SYT14: variants seen among roughly 807,000 people sequenced by gnomAD.
The protein encoded by SYT14 is synaptotagmin 14.
In SYT14, 32 loss-of-function variants were observed where a neutral mutation model predicts 74.2. The ratio of observed to expected loss-of-function variants is 0.43; its 90% CI spans 0.33 to 0.58. The LOEUF is 0.58. Ranked by LOEUF, SYT14 falls within the 20% of genes least tolerant of loss-of-function variation. The pLI is 0.05. For synonymous variants in SYT14, 298 were observed against 337.7 expected (o/e 0.88, Z 1.29); for missense variants, 791 against 981.8 (o/e 0.81, Z 2.60).
intron 2 of SYT14, among the ~76,000 whole-genome samples, chr1:209,954,904 C>G (rs2102689344): frequency 6.6e-6 from 1 of 152,216 alleles, no homozygotes; most frequent in South Asian, 2.1e-4. Flanking sequence ...TAGGGTTTCA[C>G]CATGTTGGCC....
At chr1:210,016,287 A>C (rs1176836705) in exon 4 of SYT14, 1 of 1,232,080 alleles carries the variant, frequency 8.1e-7, no homozygotes, top group Non-Finnish European at 1.0e-6. Context: ...AATTTAGAGC[A>C]TAGAGCAAAG....
intron 2 of SYT14, among the ~76,000 whole-genome samples, chr1:209,979,530 G>A (rs1220957593): frequency 2.6e-5 from 4 of 152,010 alleles, no homozygotes; most frequent in African/African-American, 4.8e-5. Flanking sequence ...GTGGCTTGCT[G>A]CACAGATCAT....
chr1:210,112,039 C>T (rs898348256), intron 7 of SYT14, among the ~76,000 whole-genome samples: 5 of 151,102 alleles, frequency 3.3e-5, no homozygotes, highest in East Asian at 1.9e-4. Flanking sequence ...TAGTAAAGGC[C>T]GGTCCGTTAT....
intron 7 of SYT14, among the ~76,000 whole-genome samples, chr1:210,110,477 G>A (rs1472944733): frequency 6.6e-6 from 1 of 152,138 alleles, no homozygotes; most frequent in Non-Finnish European, 1.5e-5. Flanking sequence ...CTGATCTTGA[G>A]TCACTTGGGA....
At chr1:210,037,324 TTTTG>T (rs1313353812) in intron 5 of SYT14, among the ~76,000 whole-genome samples, 1 of 152,040 alleles carries the variant, frequency 6.6e-6, no homozygotes, top group Admixed American at 6.6e-5. Context: ...TTCTTTCCTC[TTTTG>T]TTTGTCTTGG....
intron 8 of SYT14, among the ~76,000 whole-genome samples, chr1:210,157,642 T>C: frequency 6.6e-6 from 1 of 151,912 alleles, no homozygotes; most frequent in East Asian, 1.9e-4. Context: ...CTTGGGAGGC[T>C]GAGGCAAGAG....
At chr1:210,042,837 G>A (rs921274114) in intron 5 of SYT14, among the ~76,000 whole-genome samples, 1 of 152,124 alleles carries the variant, frequency 6.6e-6, no homozygotes, top group African/African-American at 2.4e-5. Context: ...GGCTATACAG[G>A]CTCTTTTTTG....
intron 5 of SYT14, among the ~76,000 whole-genome samples, chr1:210,059,376 C>G (rs2081158224): frequency 1.4e-5 from 2 of 143,858 alleles, no homozygotes; most frequent in Admixed American, 7.1e-5. Context: ...CTTACTCAAC[C>G]TGAGTAAGAT....
In SYT14 at chr1:210,079,835, A is replaced by ATGGAATC. The variant is rs966164830; in HGVS notation, c.1313-14483_1313-14477dup. Among the ~76,000 whole-genome samples the ATGGAATC allele has an allele frequency of 1.6e-4, 24 of 152,182 alleles. 1 individual carries two copies. Among genetic ancestry groups the ATGGAATC allele is most frequent in the Admixed American group, 8.5e-4 (13 of 15,278 alleles). On this transcript the variant is annotated intron_variant, in intron 5 of 9. Transcript: ENST00000637265. ...TGCAATGCAAGGAGGGAAAACCAAA[A>ATGGAATC]TGGAATCTGGCAGTCTCCAAAAATA...
intron 7 of SYT14, among the ~76,000 whole-genome samples, chr1:210,114,052 G>A (rs1298361533): frequency 6.6e-6 from 1 of 151,442 alleles, no homozygotes; most frequent in Non-Finnish European, 1.5e-5. Flanking sequence ...AGGCTTCTGA[G>A]GCAATCGGGC....
At position 209,948,688 on chromosome 1, in the gene SYT14, AT is replaced by A. The variant is rs529976786; in HGVS notation, c.-533-4012del. Reference sequence around the variant, plus strand: ...CAAAATACATTAAATATAATGTTCTATTTTTTTTTCTGACAATTAACTAGTG... The same window carrying A: ...CAAAATACATTAAATATAATGTTCTATTTTTTTTCTGACAATTAACTAGTG... On this transcript the variant is annotated intron_variant, in intron 1 of 9. Transcript: ENST00000637265. Among the ~76,000 whole-genome samples, 317 of 151,442 alleles carry A rather than the reference AT, an allele frequency of 2.1e-3. 1 individual carries two copies. The highest frequency in any genetic ancestry group is 7.3e-3 in the African/African-American group (300 of 41,320).
At chr1:210,066,800 A>G (rs1289158202) in intron 5 of SYT14, among the ~76,000 whole-genome samples, 1 of 152,074 alleles carries the variant, frequency 6.6e-6, no homozygotes, top group Non-Finnish European at 1.5e-5. Flanking sequence ...GGACTAATAC[A>G]GTGCTCAATG....
At chr1:210,146,687 G>A (rs965257501) in intron 7 of SYT14, among the ~76,000 whole-genome samples, 2 of 151,246 alleles carry the variant, frequency 1.3e-5, no homozygotes, top group Non-Finnish European at 2.9e-5. Context: ...TATACTATAT[G>A]TAGTATATAT....
chr1:209,960,252 A>G (rs2079057477), intron 2 of SYT14, among the ~76,000 whole-genome samples: 1 of 152,196 alleles, frequency 6.6e-6, no homozygotes, highest in Non-Finnish European at 1.5e-5. Flanking sequence ...TTCACAAATC[A>G]ACATGTAATA....
At chr1:210,051,883 CTG>C (rs2102380973) in intron 5 of SYT14, among the ~76,000 whole-genome samples, 2 of 152,264 alleles carry the variant, frequency 1.3e-5, no homozygotes, top group African/African-American at 4.8e-5. Context: ...AGCCTCATAT[CTG>C]TGTTACTTTC....
chr1:209,996,460 A>G lies in SYT14; in HGVS notation c.-485-17173A>G, dbSNP rs140950950. On this transcript the variant is annotated intron_variant, in intron 2 of 9. Transcript: ENST00000637265. ...AAGATCTGAATTTGAATCAATAATA[A>G]AAACTCTACTAACCAAAACAAAAAA... Among the ~76,000 whole-genome samples the G allele has an allele frequency of 2.5e-3, 378 of 152,244 alleles. 1 individual carries two copies. The highest frequency in any genetic ancestry group is 5.6e-3 in the African/African-American group (231 of 41,550).
intron 2 of SYT14, among the ~76,000 whole-genome samples, chr1:209,958,034 T>G (rs2079020230): frequency 2.0e-5 from 3 of 152,172 alleles, no homozygotes; most frequent in Admixed American, 2.0e-4. Flanking sequence ...TTCCGTTACT[T>G]TAAGAGATTT....
At chr1:210,100,786 T>C (rs2082050108) in intron 7 of SYT14, among the ~76,000 whole-genome samples, 2 of 139,452 alleles carry the variant, frequency 1.4e-5, no homozygotes, top group South Asian at 5.0e-4. Flanking sequence ...CCTTATAGAA[T>C]TTATTATTTT....
At chr1:210,159,832 T>A (rs1361989449) in intron 9 of SYT14, among the ~76,000 whole-genome samples, 1 of 152,188 alleles carries the variant, frequency 6.6e-6, no homozygotes, top group Admixed American at 6.5e-5. Context: ...ATGCTGAAGA[T>A]CATTTGCATG....
Sources: allele counts gnomAD v4.1 joint callset (sites outside exome capture counted in the v4.1 genomes callset), GRCh38; gene constraint gnomAD v4.1.1; transcripts MANE v1.5; gene names NCBI Gene and HGNC (gene_info 2026-07-23, HGNC 2026-07-21).